ADRA1A: variants seen among roughly 807,000 people sequenced by gnomAD.
ADRA1A encodes alpha-1A adrenergic receptor.
In ADRA1A, 31 loss-of-function variants were observed where a neutral mutation model predicts 29.6. The ratio of observed to expected loss-of-function variants is 1.05; its 90% CI spans 0.79 to 1.41. The LOEUF (loss-of-function observed/expected upper bound fraction) is 1.41. ADRA1A is among the 40% of genes most tolerant of loss of function. The pLI, the probability that ADRA1A is intolerant of heterozygous loss-of-function variation, is 0.00. For synonymous variants in ADRA1A, 311 were observed against 254.3 expected, an observed-to-expected ratio of 1.22 and a Z score of -2.12; for missense variants, 619 against 601.1, an observed-to-expected ratio of 1.03 and a Z score of -0.31.
chr8:26,761,669 G>A (rs1435563567), downstream of ADRA1A, among the ~76,000 whole-genome samples: 1 of 152,210 alleles, frequency 6.6e-6, no homozygotes, highest in Non-Finnish European at 1.5e-5. Context: ...GTGAGGCAAT[G>A]CATTTCTCTT....
chr8:26,829,526 A>G (rs1421946989), intron 2 of ADRA1A, among the ~76,000 whole-genome samples: 1 of 152,200 alleles, frequency 6.6e-6, no homozygotes, highest in Non-Finnish European at 1.5e-5. Flanking sequence ...TTTTACCCTT[A>G]GGAAAAAATA....
intron 2 of ADRA1A, among the ~76,000 whole-genome samples, chr8:26,797,860 G>T (rs1050964025): frequency 1.3e-5 from 2 of 152,144 alleles, no homozygotes; most frequent in African/African-American, 4.8e-5. Context: ...GTACATAATT[G>T]TTAAGTGCTC....
In ADRA1A at chr8:26,769,507, G is replaced by GCCCCTCACTCT. The variant is rs1289922290; in HGVS notation, c.*631_*641dup. On this transcript the variant is annotated 3_prime_UTR_variant, in exon 3 of 3. Transcript: ENST00000380573. ...CACTACATTCCAAGACATCATGAGT[G>GCCCCTCACTCT]CCCCTCACTCTCATCTTTGGGAAAT... 1.0e-6 allele frequency: 1 copy of GCCCCTCACTCT among 985,280 alleles called. No homozygotes were observed. The highest frequency in any genetic ancestry group is 1.2e-6 in the Non-Finnish European group (1 of 829,928). The allele number at this position is 985,280 out of a possible 1,614,324, so 61.0% of individuals were successfully genotyped here. A position where few individuals can be genotyped will look rare whatever the true frequency, so the allele number is the denominator to read the frequency against.
At chr8:26,833,920 G>A (rs572239334) in intron 2 of ADRA1A, among the ~76,000 whole-genome samples, 1 of 152,310 alleles carries the variant, frequency 6.6e-6, no homozygotes, top group East Asian at 1.9e-4. Context: ...ATGAGCCAAG[G>A]AAAAGGTGAG....
intron 2 of ADRA1A, among the ~76,000 whole-genome samples, chr8:26,760,713 A>G (rs1805463820): frequency 6.6e-6 from 1 of 152,044 alleles, no homozygotes; most frequent in African/African-American, 2.4e-5. Flanking sequence ...CTCGGAGTCT[A>G]GGGTCTGTCC....
chr8:26,760,979 A>T (rs1447737200), downstream of ADRA1A, among the ~76,000 whole-genome samples: 2 of 152,082 alleles, frequency 1.3e-5, no homozygotes, highest in Non-Finnish European at 2.9e-5. Flanking sequence ...TAGTGGTTGG[A>T]TCTTATTACT....
intron 2 of ADRA1A, among the ~76,000 whole-genome samples, chr8:26,781,088 T>C (rs1264090249): frequency 6.6e-6 from 1 of 152,248 alleles, no homozygotes; most frequent in Non-Finnish European, 1.5e-5. Context: ...GAAAAATTTG[T>C]CTGCCATGAA....
In ADRA1A at chr8:26,821,104, G is replaced by C. The variant is rs934962479; in HGVS notation, c.883+42983C>G. Among the ~76,000 whole-genome samples, 3 of 152,012 alleles carry C rather than the reference G, an allele frequency of 2.0e-5. No homozygotes were observed. Among genetic ancestry groups the C allele is most frequent in the Non-Finnish European group, 2.9e-5 (2 of 68,000 alleles). On this transcript the variant is annotated intron_variant, in intron 2 of 2. Coordinates refer to ENST00000380573, the MANE Select transcript of ADRA1A (RefSeq NM_000680.4). This position sits in a 1 kb window ranked among gnomAD's most constrained non-coding sequence, Gnocchi z 5.6. ...TGGGGTTTTGCCATGTTAGCCAGGT[G>C]GTCTCAAACTCCTGACCTCAGGTGA... is the stretch of plus-strand genomic sequence containing the variant.
intron 2 of ADRA1A, among the ~76,000 whole-genome samples, chr8:26,830,688 C>G (rs55798833): frequency 0.037 from 5,641 of 152,312 alleles, 175 homozygotes; most frequent in Non-Finnish European, 0.057. Flanking sequence ...GTTCTACCCA[C>G]AGTCATCACA....
chr8:26,808,262 A>G (rs989118962), intron 2 of ADRA1A, among the ~76,000 whole-genome samples: 3 of 152,152 alleles, frequency 2.0e-5, no homozygotes, highest in African/African-American at 4.8e-5. Context: ...TGCTTTTTCC[A>G]CTTAATACAA....
At position 26,787,942 on chromosome 8, in the gene ADRA1A, C is replaced by T. The variant is rs114899677; in HGVS notation, c.884-17276G>A. 0.021 allele frequency among the ~76,000 whole-genome samples: 3,140 copies of T among 151,580 alleles called. 101 individuals are homozygous for T. Among genetic ancestry groups the T allele is most frequent in the African/African-American group, 0.069 (2,869 of 41,286 alleles). ...TTTTTTTAACATTTGGGGATAATTT[C>T]CAAGGTCAGAAACCGGACATTGAGT... On this transcript the variant is annotated intron_variant, in intron 2 of 2. Transcript: ENST00000380573. The surrounding 1 kb of genome is among the most constrained non-coding windows in gnomAD (Gnocchi z 4.2).
At position 26,831,757 on chromosome 8, in the gene ADRA1A, G is replaced by A. The variant is rs1422843441; in HGVS notation, c.883+32330C>T. Among the ~76,000 whole-genome samples the A allele has an allele frequency of 6.6e-6, 1 of 152,214 alleles. No homozygotes were observed. Among genetic ancestry groups the A allele is most frequent in the Non-Finnish European group, 1.5e-5 (1 of 68,036 alleles). On this transcript the variant is annotated intron_variant, in intron 2 of 2. Transcript: ENST00000380573. The surrounding 1 kb of genome is among the most constrained non-coding windows in gnomAD (Gnocchi z 5.2). ...TGAAGGACCCTTTTGGGCCTTGGGG[G>A]GAACACGCTGCATGCAGCTTCCTTT...
At chr8:26,804,306 T>A (rs1177709324) in intron 2 of ADRA1A, among the ~76,000 whole-genome samples, 2 of 152,156 alleles carry the variant, frequency 1.3e-5, no homozygotes, top group Non-Finnish European at 2.9e-5. Context: ...CATGCAGGCT[T>A]GTCTATGAGT....
At chr8:26,835,443 G>T (rs749309056) in intron 2 of ADRA1A, among the ~76,000 whole-genome samples, 2 of 152,148 alleles carry the variant, frequency 1.3e-5, no homozygotes, top group East Asian at 1.9e-4. Context: ...CCGTAGAGCT[G>T]GGGAGGCCTC....
In ADRA1A at chr8:26,796,732, G is replaced by A. The variant is rs866501036; in HGVS notation, c.884-26066C>T. 6.6e-6 allele frequency among the ~76,000 whole-genome samples: 1 copy of A among 152,108 alleles called. No individual in the cohort carries two copies. Among genetic ancestry groups the A allele is most frequent in the African/African-American group, 2.4e-5 (1 of 41,404 alleles). Reference sequence around the variant, plus strand: ...ATAGAGAGATGATTAATTTCGAAAGGGGGGTACAAGATGAAGGGACACCCC... The same window carrying A: ...ATAGAGAGATGATTAATTTCGAAAGAGGGGTACAAGATGAAGGGACACCCC... On this transcript the variant is annotated intron_variant, in intron 2 of 2. Transcript: ENST00000380573. This position sits in a 1 kb window ranked among gnomAD's most constrained non-coding sequence, Gnocchi z 5.0.
intron 2 of ADRA1A, among the ~76,000 whole-genome samples, chr8:26,779,903 G>A (rs1157347053): frequency 2.0e-5 from 3 of 152,140 alleles, no homozygotes; most frequent in Non-Finnish European, 2.9e-5. Flanking sequence ...GGCTAAGGCT[G>A]TGCTCATCTG....
chr8:26,800,514 A>C (rs918348395), intron 2 of ADRA1A, among the ~76,000 whole-genome samples: 1 of 152,210 alleles, frequency 6.6e-6, no homozygotes, highest in Non-Finnish European at 1.5e-5. Context: ...AGAAATGGAC[A>C]TATTCCCAGA....
At chr8:26,773,587 G>T (rs1806332392) in intron 2 of ADRA1A, among the ~76,000 whole-genome samples, 1 of 151,958 alleles carries the variant, frequency 6.6e-6, no homozygotes, top group Non-Finnish European at 1.5e-5. Context: ...GGAGGGGAGG[G>T]TCGTTTCCTT....
chr8:26,830,120 C>A (rs991236983), intron 2 of ADRA1A, among the ~76,000 whole-genome samples: 2 of 152,174 alleles, frequency 1.3e-5, no homozygotes, highest in African/African-American at 4.8e-5. Context: ...CCCAGCCTAG[C>A]CCAAAACTGT....
Sources: gnomAD v4.1 joint callset for allele counts (sites outside exome capture counted in the v4.1 genomes callset) on GRCh38, gnomAD v4.1.1 for gene constraint, Gnocchi (gnomAD v3.1) non-coding constraint, MANE v1.5 for transcripts, NCBI Gene and HGNC (gene_info 2026-07-23, HGNC 2026-07-21) for gene names.